ASPA: variants seen among roughly 807,000 people sequenced by gnomAD.
The protein encoded by ASPA is aspartoacylase.
In ASPA, 25 loss-of-function variants were observed where a neutral mutation model predicts 29.6. The ratio of observed to expected loss-of-function variants is 0.85; its 90% confidence interval spans 0.62 to 1.18. The LOEUF is 1.18. Among genes scored for constraint, ASPA ranks in the 50% most tolerant of loss-of-function variants. ASPA has a pLI of 0.00. For synonymous variants in ASPA, 131 were observed against 130.3 expected, an observed-to-expected ratio of 1.01 and a Z score of -0.04; for missense variants, 333 against 385.7, an observed-to-expected ratio of 0.86 and a Z score of 1.14.
chr17:3,497,441 C>T (rs2073928262), intron 5 of ASPA, among the ~76,000 whole-genome samples: 1 of 152,132 alleles, frequency 6.6e-6, no homozygotes, highest in African/African-American at 2.4e-5. Flanking sequence ...GGCATGGTTG[C>T]GGGTTATATG....
chr17:3,498,951 A>G lies in ASPA; in HGVS notation c.805A>G (p.Thr269Ala), dbSNP rs1173491692. 6.2e-7 allele frequency: 1 copy of G among 1,613,068 alleles called. No individual in the cohort carries two copies. The highest frequency in any genetic ancestry group is 8.5e-7 in the Non-Finnish European group (1 of 1,179,436). ...CATGTTTTTAACTCTTGATGGGAAGACGATCCCACTGGGCGGAGACTGTAC... is the reference window on the plus strand; with the variant it reads ...CATGTTTTTAACTCTTGATGGGAAGGCGATCCCACTGGGCGGAGACTGTAC... ...DPMFLTLDGK[T>A]IPLGGDCTVY... Residue 269 changes from threonine (T) to alanine (A), a missense_variant, in exon 6 of 6, where the codon ACG becomes GCG. Transcript: ENST00000263080.
intron 5 of ASPA, among the ~76,000 whole-genome samples, chr17:3,497,421 G>A (rs867294465): frequency 3.3e-5 from 5 of 152,176 alleles, no homozygotes; most frequent in African/African-American, 4.8e-5. Context: ...AAAGAAGCAC[G>A]TATCCTGATG....
Position 3,499,001 on chromosome 17 carries a change from G to A in ASPA, c.855G>A (p.Glu285=), listed in dbSNP as rs749148738. ...DCTVYPVFVN[E]AAYYEKKEAF... ...CCGTGTACCCCGTGTTTGTGAATGA[G>A]GCCGCATATTACGAAAAGAAAGAAG... Residue 285 remains glutamate (E), a synonymous_variant, in exon 6 of 6, where the codon GAG becomes GAA. Transcript: ENST00000263080. 5.0e-6 allele frequency: 8 copies of A among 1,614,184 alleles called. 1 individual carries two copies. In the South Asian group the frequency reaches 6.6e-5, roughly 13 times the overall value.
At chr17:3,483,629 T>C in intron 3 of ASPA, 37 bp downstream of exon 3, 1 of 1,527,680 alleles carries the variant, frequency 6.5e-7, no homozygotes, top group Non-Finnish European at 9.1e-7. Flanking sequence ...CTCAATAAAA[T>C]ATGTCCTAGC....
intron 4 of ASPA, among the ~76,000 whole-genome samples, chr17:3,491,922 G>T (rs1326303382): frequency 3.9e-5 from 5 of 126,786 alleles, no homozygotes; most frequent in Non-Finnish European, 7.8e-5. Flanking sequence ...CTGTTGCCTA[G>T]GCTGGAGTGC....
chr17:3,475,862 T>C (rs1359443330), upstream of ASPA: 2 of 392,944 alleles, frequency 5.1e-6, no homozygotes, highest in East Asian at 5.0e-5. Flanking sequence ...TTTATTACTG[T>C]ATTTAGATCT....
Position 3,482,868 on chromosome 17 carries a change from C to T in ASPA, c.433-631C>T, listed in dbSNP as rs9894622. On this transcript the variant is annotated intron_variant, in intron 2 of 5. Transcript: ENST00000263080. ...GGTTTGTTACATATGTATACATGTG[C>T]CATGTTGGTGTGCCGCACCCATTAA... Among the ~76,000 whole-genome samples, 1,239 of 151,038 alleles carry T rather than the reference C, an allele frequency of 8.2e-3. 18 individuals are homozygous for T. The highest frequency in any genetic ancestry group is 0.027 in the African/African-American group (1,116 of 41,122).
chr17:3,497,942 C>T (rs11869485), intron 5 of ASPA, among the ~76,000 whole-genome samples: 87,057 of 151,912 alleles, frequency 0.57, 26,145 homozygotes, highest in African/African-American at 0.65. Context: ...CTGGGGTTCC[C>T]GTGGTGTGAC....
At chr17:3,495,652 T>C (rs2073896618) in intron 5 of ASPA, among the ~76,000 whole-genome samples, 1 of 152,170 alleles carries the variant, frequency 6.6e-6, no homozygotes, top group East Asian at 1.9e-4. Flanking sequence ...CACTGCAAGC[T>C]CCACCTCCCG....
At chr17:3,486,841 G>A (rs2073731100) in intron 3 of ASPA, among the ~76,000 whole-genome samples, 1 of 152,076 alleles carries the variant, frequency 6.6e-6, no homozygotes, top group African/African-American at 2.4e-5. Context: ...TGGCCCTATT[G>A]TCCAAACCAA....
intron 2 of ASPA, 56 bp downstream of exon 2, chr17:3,481,854 A>C (rs2150746994): frequency 1.4e-6 from 2 of 1,426,848 alleles, no homozygotes; most frequent in South Asian, 2.5e-5. Flanking sequence ...TTTTAAGTCA[A>C]TTATGGATGT....
In ASPA at chr17:3,499,120, T is replaced by C. The variant is rs1215707637; in HGVS notation, c.*32T>C. The C allele has an allele frequency of 1.3e-6, 2 of 1,598,394 alleles. No homozygotes were observed. Among genetic ancestry groups the C allele is most frequent in the South Asian group, 1.1e-5 (1 of 89,060 alleles). ...CTTCCAGCTTACATCTTACACGGTG[T>C]CTTACAAATTCTGCTAGTCTGTAAG... On this transcript the variant is annotated 3_prime_UTR_variant, in exon 6 of 6. Transcript: ENST00000263080.
intron 1 of ASPA, among the ~76,000 whole-genome samples, chr17:3,477,626 G>A (rs1367724979): frequency 1.3e-4 from 20 of 151,908 alleles, no homozygotes; most frequent in Non-Finnish European, 1.5e-5. Flanking sequence ...GTAATTTTTT[G>A]TATTTTTAGT....
chr17:3,475,994 C>A, upstream of ASPA: 1 of 662,564 alleles, frequency 1.5e-6, no homozygotes, highest in Non-Finnish European at 2.6e-6. Context: ...ATAAACGGGG[C>A]TCAGAACTTG....
chr17:3,491,872 G>GT (rs1399498780), intron 4 of ASPA, among the ~76,000 whole-genome samples: 12 of 109,144 alleles, frequency 1.1e-4, no homozygotes, highest in East Asian at 9.9e-4. Context: ...TTTTTCTTTT[G>GT]TTTTCTTTTT....
intron 4 of ASPA, among the ~76,000 whole-genome samples, chr17:3,491,730 AGAGT>A (rs1260942535): frequency 6.6e-6 from 1 of 152,046 alleles, no homozygotes; most frequent in African/African-American, 2.4e-5. Flanking sequence ...CCTCGGTGAC[AGAGT>A]GAGACTGTCT....
At chr17:3,478,101 C>G (rs533111490) in intron 1 of ASPA, among the ~76,000 whole-genome samples, 1 of 152,020 alleles carries the variant, frequency 6.6e-6, no homozygotes, top group Non-Finnish European at 1.5e-5. Context: ...AGGAGAATGG[C>G]GTGAACCTGG....
chr17:3,478,522 T>C (rs2073571170), intron 1 of ASPA, among the ~76,000 whole-genome samples: 1 of 152,224 alleles, frequency 6.6e-6, no homozygotes, highest in East Asian at 1.9e-4. Context: ...AACTAACTTC[T>C]ATATTACAAG....
upstream of ASPA, among the ~76,000 whole-genome samples, chr17:3,474,784 T>G (rs2073497274): frequency 6.6e-6 from 1 of 152,184 alleles, no homozygotes; most frequent in Non-Finnish European, 1.5e-5. Context: ...AATGGCTGTT[T>G]ATGTGAATTC....
Sources: gnomAD v4.1 joint callset for allele counts (sites outside exome capture counted in the v4.1 genomes callset) on GRCh38, gnomAD v4.1.1 for gene constraint, MANE v1.5 for transcripts, NCBI Gene and HGNC (gene_info 2026-07-23, HGNC 2026-07-21) for gene names.